Variants in MEF2D observed in about 807,000 individuals in gnomAD.
MEF2D encodes the protein myocyte enhancer factor 2D.
In MEF2D, 10 loss-of-function variants were observed where a neutral mutation model predicts 59.3. The observed-to-expected ratio is 0.17, with a 90% confidence interval of 0.10 to 0.29. The LOEUF is 0.29. Among genes scored for constraint, MEF2D ranks in the 10% least tolerant of loss-of-function variants. The probability of loss-of-function intolerance (pLI) is 1.00; values close to 1 mark genes in which losing one functional copy is unlikely to be tolerated. For synonymous variants in MEF2D, 305 were observed against 295.0 expected (o/e 1.03, Z -0.35); for missense variants, 508 against 699.4 (o/e 0.73, Z 3.09).
At chr1:156,478,192 A>G (rs1365418619) in intron 6 of MEF2D, among the ~76,000 whole-genome samples, 1 of 152,106 alleles carries the variant, frequency 6.6e-6, no homozygotes, top group East Asian at 1.9e-4. Context: ...AGGGTGACAT[A>G]TTCACCCACC....
At chr1:156,470,434 AAAG>A (rs1472295137) in intron 9 of MEF2D, among the ~76,000 whole-genome samples, 1 of 151,302 alleles carries the variant, frequency 6.6e-6, no homozygotes, top group African/African-American at 2.4e-5. Flanking sequence ...AAAAAAAAAG[AAAG>A]AAAGAAAGAA....
At chr1:156,487,859 C>G (rs1323727947) in intron 1 of MEF2D, among the ~76,000 whole-genome samples, 1 of 152,220 alleles carries the variant, frequency 6.6e-6, no homozygotes, top group Non-Finnish European at 1.5e-5. Flanking sequence ...AGGAAGCCCT[C>G]GCAGATGATC....
intron 1 of MEF2D, among the ~76,000 whole-genome samples, chr1:156,486,222 T>C (rs536381225): frequency 6.6e-6 from 1 of 152,044 alleles, no homozygotes; most frequent in East Asian, 1.9e-4. Context: ...AGACACCCCA[T>C]TCCTCACCTG....
intron 9 of MEF2D, among the ~76,000 whole-genome samples, chr1:156,474,363 C>T (rs1399760598): frequency 6.6e-6 from 1 of 152,148 alleles, no homozygotes. Flanking sequence ...GCATGAGAAT[C>T]ACCTGAACCC....
At chr1:156,483,799 T>A (rs1210157316) in intron 1 of MEF2D, among the ~76,000 whole-genome samples, 1 of 152,242 alleles carries the variant, frequency 6.6e-6, no homozygotes, top group South Asian at 2.1e-4. Flanking sequence ...GGCCTAGAAC[T>A]ATGGTTCCCA....
At chr1:156,482,812 T>C (rs1422348786) in intron 2 of MEF2D, among the ~76,000 whole-genome samples, 172 bp from the exon 3 acceptor site, 2 of 152,274 alleles carry the variant, frequency 1.3e-5, no homozygotes, top group East Asian at 3.9e-4. Context: ...GGCTAGTGCC[T>C]GTAGGCCAAC....
At chr1:156,491,781 C>T (rs1178107287) in intron 1 of MEF2D, among the ~76,000 whole-genome samples, 1 of 152,208 alleles carries the variant, frequency 6.6e-6, no homozygotes, top group Admixed American at 6.5e-5. Context: ...CTCACCACCA[C>T]TCATTTGCAT....
Position 156,464,329 on chromosome 1 carries a change from G to GA in MEF2D, c.*3315dup, listed in dbSNP as rs1670701734. ...CCAAACAAATAAATAATCAGCAAGA[G>GA]AAGGTGCATTACTTCCTTCCTGTCC... On this transcript the variant is annotated 3_prime_UTR_variant, in exon 12 of 12. Coordinates refer to ENST00000348159, the MANE Select transcript of MEF2D (RefSeq NM_005920.4). 1 of 149,224 alleles carries GA rather than the reference G, an allele frequency of 6.7e-6. No individual in the cohort carries two copies. Among genetic ancestry groups the GA allele is most frequent in the African/African-American group, 2.4e-5 (1 of 40,858 alleles). 9.2% of individuals were successfully genotyped at this position (149,224 alleles called of 1,614,324 possible).
rs1423370326 is a variant in MEF2D, at chr1:156,468,251, G to A, written c.1296C>T (p.Thr432=). The A allele has an allele frequency of 2.5e-6, 4 of 1,591,180 alleles. No homozygotes were observed. Among genetic ancestry groups the A allele is most frequent in the African/African-American group, 2.7e-5 (2 of 74,602 alleles). Reference sequence around the variant, plus strand: ...CTGACTTGATGCTGATGTGGGGGTGGGTGGTGACTGTGAGGGCAGCACCCA... The same window carrying A: ...CTGACTTGATGCTGATGTGGGGGTGAGTGGTGACTGTGAGGGCAGCACCCA... The part of the protein sequence containing the change: ...PHVGAALTVT[T]HPHISIKSEP... The change falls in exon 11 of 12, where the codon ACC becomes ACT. Residue 432 remains threonine, a synonymous_variant. Transcript: ENST00000348159. This position sits in a 1 kb window ranked among gnomAD's most constrained non-coding sequence, Gnocchi z 4.3.
Position 156,483,325 on chromosome 1 carries a change from A to C in MEF2D, c.-33T>G. 6.2e-7 allele frequency: 1 copy of C among 1,608,906 alleles called. No homozygotes were observed. ...GGGGGTCCTCAGTGCTACGGAGGGGAGGGGCTCGCTGGGTGGTGGGTCTCG... is the reference window on the plus strand; with the variant it reads ...GGGGGTCCTCAGTGCTACGGAGGGGCGGGGCTCGCTGGGTGGTGGGTCTCG... On this transcript the variant is annotated 5_prime_UTR_variant, in exon 2 of 12. Transcript: ENST00000348159.
chr1:156,498,101 T>TAAAAAAAAAA (rs5777987), intron 1 of MEF2D, among the ~76,000 whole-genome samples: 2 of 56,040 alleles, frequency 3.6e-5, no homozygotes, highest in African/African-American at 1.5e-4. Flanking sequence ...CAGGAAAGAT[T>TAAAAAAAAAA]AAAAAAAAAA....
At chr1:156,481,025 C>G (rs1671978798) in intron 3 of MEF2D, 54 bp from the exon 4 acceptor site, 1 of 1,606,762 alleles carries the variant, frequency 6.2e-7, no homozygotes, top group Non-Finnish European at 8.5e-7. Flanking sequence ...GCCCGCCTCG[C>G]TGGAGTTCCT....
At chr1:156,498,434 G>C (rs889020491) in intron 1 of MEF2D, among the ~76,000 whole-genome samples, 1 of 152,120 alleles carries the variant, frequency 6.6e-6, no homozygotes, top group Non-Finnish European at 1.5e-5. Context: ...CCATGAACAC[G>C]GACTGTATGT....
intron 1 of MEF2D, among the ~76,000 whole-genome samples, chr1:156,494,788 T>C (rs1197336593): frequency 2.0e-5 from 3 of 152,200 alleles, no homozygotes; most frequent in East Asian, 1.9e-4. Flanking sequence ...GGGCAGGGAC[T>C]TCCTCAAGGT....
In MEF2D at chr1:156,492,716, G is replaced by A. The variant is rs573638384; in HGVS notation, c.-139+7770C>T. Among the ~76,000 whole-genome samples the A allele has an allele frequency of 1.4e-4, 21 of 152,288 alleles. No individual in the cohort carries two copies. In the East Asian group the frequency reaches 3.9e-3, roughly 28 times the overall value. On this transcript the variant is annotated intron_variant, in intron 1 of 11. Transcript: ENST00000348159. Reference sequence around the variant, plus strand: ...GCCCTGGCTGAGGAGAGGTGGGGGCGGTTGGGACGGTTAGTGTGTCACCTT... The same window carrying A: ...GCCCTGGCTGAGGAGAGGTGGGGGCAGTTGGGACGGTTAGTGTGTCACCTT...
At chr1:156,481,647 A>C (rs1672025270) in intron 3 of MEF2D, among the ~76,000 whole-genome samples, 1 of 152,210 alleles carries the variant, frequency 6.6e-6, no homozygotes. Context: ...ATGAATGCAA[A>C]TTTTACCTTC....
At chr1:156,488,051 C>T (rs570726992) in intron 1 of MEF2D, among the ~76,000 whole-genome samples, 12 of 152,364 alleles carry the variant, frequency 7.9e-5, no homozygotes, top group Middle Eastern at 3.4e-3. Context: ...ACTCCTCGGG[C>T]TGACAGTATC....
intron 6 of MEF2D, among the ~76,000 whole-genome samples, chr1:156,478,509 G>A (rs1173445656): frequency 5.9e-5 from 9 of 152,136 alleles, no homozygotes; most frequent in Admixed American, 5.9e-4. Flanking sequence ...CAGGGGTTGG[G>A]GGGCAGCCTT....
chr1:156,497,988 G>A (rs1027454028), intron 1 of MEF2D, among the ~76,000 whole-genome samples: 2 of 151,424 alleles, frequency 1.3e-5, no homozygotes, highest in Non-Finnish European at 2.9e-5. Context: ...AGGCCTCCTC[G>A]GGGGCCAAGG....
Sources: gnomAD v4.1 joint callset for allele counts (sites outside exome capture counted in the v4.1 genomes callset) on GRCh38, gnomAD v4.1.1 for gene constraint, Gnocchi (gnomAD v3.1) non-coding constraint, MANE v1.5 for transcripts, NCBI Gene and HGNC (gene_info 2026-07-23, HGNC 2026-07-21) for gene names.